APBB2: variants seen among roughly 807,000 people sequenced by gnomAD.
APBB2 encodes Fe65-like 1.
In APBB2, 38 loss-of-function variants were observed where a neutral mutation model predicts 82.5. The observed-to-expected ratio is 0.46, with a 90% CI of 0.36 to 0.60. The LOEUF is 0.60. Ranked by LOEUF, APBB2 falls within the 20% of genes least tolerant of loss-of-function variation. APBB2 has a pLI of 0.00. For synonymous variants in APBB2, 341 were observed against 368.2 expected (o/e 0.93, Z 0.85); for missense variants, 772 against 972.3 (o/e 0.79, Z 2.74).
At chr4:41,134,141 T>C (rs958242607) in intron 2 of APBB2, among the ~76,000 whole-genome samples, 1 of 152,126 alleles carries the variant, frequency 6.6e-6, no homozygotes, top group African/African-American at 2.4e-5. Flanking sequence ...TGGCTAATTT[T>C]TTTTTAAGTT....
At chr4:40,857,631 T>C (rs1369520622) in intron 12 of APBB2, among the ~76,000 whole-genome samples, 2 of 152,054 alleles carry the variant, frequency 1.3e-5, no homozygotes, top group African/African-American at 2.4e-5. Flanking sequence ...CCACCATGCC[T>C]GGCTAATTTT....
chr4:41,052,039 G>A (rs1323161522), intron 4 of APBB2, among the ~76,000 whole-genome samples: 1 of 152,126 alleles, frequency 6.6e-6, no homozygotes, highest in African/African-American at 2.4e-5. Context: ...TCACCAACAT[G>A]AATATTCTTA....
In APBB2 at chr4:40,811,225, ATTAT is replaced by A. The variant is rs1744332469; in HGVS notation, c.*4863_*4866del. The A allele has an allele frequency of 6.6e-6, 1 of 152,162 alleles. No homozygotes were observed. Among genetic ancestry groups the A allele is most frequent in the African/African-American group, 2.4e-5 (1 of 41,414 alleles). 9.4% of individuals were successfully genotyped at this position (152,162 alleles called of 1,614,324 possible). On this transcript the variant is annotated 3_prime_UTR_variant, in exon 18 of 18. Coordinates refer to ENST00000508593, the MANE Select transcript of APBB2 (RefSeq NM_004307.2). ...TTGAGAATCTTCTATGAAGGACAGG[ATTAT>A]TTAAATACTTTGGTAGAGTGAAAAG...
intron 2 of APBB2, among the ~76,000 whole-genome samples, chr4:41,112,239 C>G (rs748881848): frequency 7.8e-4 from 119 of 152,192 alleles, no homozygotes; most frequent in Non-Finnish European, 1.5e-3. Flanking sequence ...CCAAAGCACC[C>G]GACCTCTCTT....
At chr4:40,960,524 T>C (rs1394131869) in intron 6 of APBB2, among the ~76,000 whole-genome samples, 3 of 143,926 alleles carry the variant, frequency 2.1e-5, no homozygotes, top group Non-Finnish European at 3.0e-5. Context: ...CTCGGCTCAC[T>C]GCAAGCTCTG....
intron 6 of APBB2, among the ~76,000 whole-genome samples, chr4:41,006,057 G>C (rs1015920170): frequency 6.6e-6 from 1 of 152,146 alleles, no homozygotes; most frequent in Non-Finnish European, 1.5e-5. Flanking sequence ...TCCGTCCCCT[G>C]AAGTACCTCG....
At chr4:40,870,801 C>T (rs111311192) in intron 12 of APBB2, among the ~76,000 whole-genome samples, 2 of 151,146 alleles carry the variant, frequency 1.3e-5, no homozygotes, top group African/African-American at 4.9e-5. Flanking sequence ...GGCACGATCC[C>T]GGCTCACTGC....
At chr4:41,067,425 A>G (rs1211360707) in intron 3 of APBB2, among the ~76,000 whole-genome samples, 1 of 150,866 alleles carries the variant, frequency 6.6e-6, no homozygotes, top group African/African-American at 2.4e-5. Flanking sequence ...AAAAAAAAAA[A>G]GAGAGAGAAA....
chr4:40,863,065 A>T (rs1272730645), intron 12 of APBB2, among the ~76,000 whole-genome samples: 1 of 152,218 alleles, frequency 6.6e-6, no homozygotes, highest in East Asian at 1.9e-4. Context: ...CAGATGACAG[A>T]TAAAGACACT....
intron 13 of APBB2, among the ~76,000 whole-genome samples, chr4:40,828,984 G>C (rs889516118): frequency 1.3e-5 from 2 of 151,770 alleles, no homozygotes; most frequent in African/African-American, 4.8e-5. Context: ...AGAATTGTGG[G>C]AGTGAGGCTG....
intron 10 of APBB2, among the ~76,000 whole-genome samples, chr4:40,909,829 G>A (rs574072705): frequency 6.6e-6 from 1 of 152,208 alleles, no homozygotes; most frequent in East Asian, 1.9e-4. Flanking sequence ...CATGAAGGTG[G>A]GCGCTGACAT....
intron 4 of APBB2, among the ~76,000 whole-genome samples, chr4:41,057,221 C>T (rs142603471): frequency 6.6e-6 from 1 of 152,264 alleles, no homozygotes; most frequent in East Asian, 1.9e-4. Flanking sequence ...GAGGCTGAGG[C>T]GGGCAGATCA....
At chr4:40,989,550 C>T (rs1190809674) in intron 6 of APBB2, among the ~76,000 whole-genome samples, 1 of 150,980 alleles carries the variant, frequency 6.6e-6, no homozygotes, top group Non-Finnish European at 1.5e-5. Context: ...TTCCCAAATC[C>T]ATCCCAGATG....
At chr4:40,913,125 A>C (rs1206632292) in intron 10 of APBB2, among the ~76,000 whole-genome samples, 1 of 152,164 alleles carries the variant, frequency 6.6e-6, no homozygotes, top group Non-Finnish European at 1.5e-5. Flanking sequence ...GCTCTAGGCC[A>C]CGTGAGCTCT....
chr4:41,139,625 A>G (rs2154018905), intron 2 of APBB2, among the ~76,000 whole-genome samples: 1 of 152,310 alleles, frequency 6.6e-6, no homozygotes, highest in South Asian at 2.1e-4. Context: ...AAAGACATGG[A>G]GGAAACTTAA....
intron 6 of APBB2, among the ~76,000 whole-genome samples, chr4:40,989,277 TCC>T (rs1801344367): frequency 6.6e-6 from 1 of 152,122 alleles, no homozygotes; most frequent in African/African-American, 2.4e-5. Flanking sequence ...AGAATCGTTT[TCC>T]CCCTCAACTG....
chr4:40,821,674 C>T (rs1401337856), intron 17 of APBB2, among the ~76,000 whole-genome samples, 197 bp downstream of exon 17: 1 of 152,204 alleles, frequency 6.6e-6, no homozygotes, highest in East Asian at 1.9e-4. Context: ...CCACTTCTTT[C>T]AGGAGTTCTG....
chr4:40,989,532 T>A (rs1391569147), intron 6 of APBB2, among the ~76,000 whole-genome samples: 1 of 38,512 alleles, frequency 2.6e-5, no homozygotes, highest in African/African-American at 6.7e-5. Context: ...AGAAACTACA[T>A]TTTTTTTTTC....
intron 15 of APBB2, among the ~76,000 whole-genome samples, chr4:40,825,284 A>G (rs146709527): frequency 1.3e-5 from 2 of 152,356 alleles, no homozygotes; most frequent in East Asian, 3.9e-4. Flanking sequence ...CTTCTGAAGA[A>G]TGCCAGACTG....
Sources: allele counts gnomAD v4.1 joint callset (sites outside exome capture counted in the v4.1 genomes callset), GRCh38; gene constraint gnomAD v4.1.1; transcripts MANE v1.5; gene names NCBI Gene and HGNC (gene_info 2026-07-23, HGNC 2026-07-21).